The following PARP4 variants were observed in gnomAD, a reference collection of about 807,000 sequenced individuals.
PARP4 encodes poly(ADP-ribose) polymerase family member 4, also known as protein mono-ADP-ribosyltransferase PARP4.
Under a neutral mutation model 187.7 loss-of-function variants are expected in PARP4, and 120 were observed. That is an observed-to-expected ratio of 0.64 (90% confidence interval 0.55 to 0.74). The LOEUF is 0.74. Ranked by LOEUF, PARP4 falls within the 30% of genes least tolerant of loss-of-function variation. The probability of loss-of-function intolerance (pLI) is 0.00; values close to 1 mark genes in which losing one functional copy is unlikely to be tolerated. For synonymous variants in PARP4, 654 were observed against 740.9 expected, an observed-to-expected ratio of 0.88 and a Z score of 1.90; for missense variants, 1,836 against 2,070.5, an observed-to-expected ratio of 0.89 and a Z score of 2.20.
chr13:24,461,101 T>C (rs2862901), intron 17 of PARP4, among the ~76,000 whole-genome samples: 78,277 of 152,020 alleles, frequency 0.51, 20,413 homozygotes, highest in South Asian at 0.65. Flanking sequence ...CTGATAACTA[T>C]GCAGAGATCC....
In PARP4 at chr13:24,434,427, G is replaced by T; in HGVS notation, c.4714C>A (p.Pro1572Thr). The T allele has an allele frequency of 3.8e-6, 6 of 1,585,970 alleles. No homozygotes were observed. Among genetic ancestry groups the T allele is most frequent in the Non-Finnish European group, 5.2e-6 (6 of 1,163,344 alleles). ...TGTAGACTGAGGAGTTCTGTCCAAG[G>T]CACAGCATCCTGCCAGTGTTGTATG... ...VCIQHWQDAV[P>T]WTELLSLQTE... is the part of the protein sequence containing the mutation. Residue 1572 changes from proline (P) to threonine (T), a missense_variant, in exon 31 of 34, where the codon CCT (proline) becomes ACT (threonine). Pro to Thr is a conservative substitution (Grantham distance 38). Coordinates refer to ENST00000381989, the MANE Select transcript of PARP4 (RefSeq NM_006437.4).
intron 9 of PARP4, 39 bp from the exon 10 acceptor site, chr13:24,490,867 C>T: frequency 6.5e-7 from 1 of 1,531,800 alleles, no homozygotes; most frequent in East Asian, 2.3e-5. Flanking sequence ...AGAATCACCA[C>T]ATATCAAAAT....
chr13:24,469,942 A>T lies in PARP4; in HGVS notation c.1998T>A (p.Ala666=). 6.2e-7 allele frequency: 1 copy of T among 1,613,890 alleles called. No homozygotes were observed. The highest frequency in any genetic ancestry group is 1.3e-5 in the African/African-American group (1 of 75,016). Residue 666 remains alanine (A), a synonymous_variant, in exon 16 of 34, where the codon GCT becomes GCA. Coordinates refer to ENST00000381989, the MANE Select transcript of PARP4 (RefSeq NM_006437.4). ...KYIFPLDDKA[A]VCGFEAFING... ...TGATGAAGGCTTCGAAGCCACACAC[A>T]GCGGCCTTGTCATCCAAAGGAAAGA... is the stretch of plus-strand genomic sequence containing the variant.
intron 33 of PARP4, among the ~76,000 whole-genome samples, chr13:24,425,529 G>T (rs1869986559): frequency 7.7e-6 from 1 of 129,730 alleles, no homozygotes; most frequent in South Asian, 2.6e-4. Context: ...GTGTATATGT[G>T]TATGCATGTG....
At chr13:24,447,257 A>G (rs1231191893) in intron 25 of PARP4, 71 bp from the exon 26 acceptor site, 5 of 1,147,034 alleles carry the variant, frequency 4.4e-6, no homozygotes, top group South Asian at 1.8e-5. Flanking sequence ...CATTTAAAAT[A>G]AAGTATACAT....
At chr13:24,435,976 A>G (rs1870619050) in intron 30 of PARP4, among the ~76,000 whole-genome samples, 1 of 151,680 alleles carries the variant, frequency 6.6e-6, no homozygotes, top group African/African-American at 2.4e-5. Flanking sequence ...ATTCAAGATC[A>G]TTTCAGTACA....
At position 24,492,430 on chromosome 13, in the gene PARP4, G is replaced by T. The variant is rs1489200922; in HGVS notation, c.1044C>A (p.Asp348Glu). The change falls in exon 9 of 34, where the codon GAC becomes GAA. Residue 348 changes from aspartate to glutamate, a missense_variant. Asp to Glu is a conservative substitution (Grantham distance 45). Coordinates refer to ENST00000381989, the MANE Select transcript of PARP4 (RefSeq NM_006437.4). ...TATTTCAGAGGTTTACCTGGCAGAGGTCTGCTTTCTTAGCCAATAGTCCCA... is the reference window on the plus strand; with the variant it reads ...TATTTCAGAGGTTTACCTGGCAGAGTTCTGCTTTCTTAGCCAATAGTCCCA... ...VNLGLLAKKA[D>E]LCQLIRDMVN... The T allele has an allele frequency of 1.9e-6, 3 of 1,612,152 alleles. No individual in the cohort carries two copies. Among genetic ancestry groups the T allele is most frequent in the Non-Finnish European group, 2.5e-6 (3 of 1,178,796 alleles).
chr13:24,442,968 T>C, intron 28 of PARP4, among the ~76,000 whole-genome samples: 1 of 151,850 alleles, frequency 6.6e-6, no homozygotes, highest in Non-Finnish European at 1.5e-5. Context: ...ATTGGAAAGA[T>C]GGAATGACTT....
chr13:24,502,681 T>C (rs1869367761), intron 2 of PARP4, among the ~76,000 whole-genome samples: 1 of 152,242 alleles, frequency 6.6e-6, no homozygotes, highest in African/African-American at 2.4e-5. Flanking sequence ...AGTATGTGAC[T>C]TTCTAAAAAG....
intron 17 of PARP4, among the ~76,000 whole-genome samples, chr13:24,460,605 C>T (rs1177650781): frequency 6.6e-6 from 1 of 152,132 alleles, no homozygotes; most frequent in East Asian, 1.9e-4. Context: ...TTGCCAGCAG[C>T]TGTAGAACCA....
rs533397777 is a variant in PARP4 at position 24,435,145 on chromosome 13, G to A, written c.3996C>T (p.Arg1332=). Residue 1332 remains arginine, a synonymous_variant, in exon 31 of 34, where the codon CGC becomes CGT. Coordinates refer to ENST00000381989, the MANE Select transcript of PARP4 (RefSeq NM_006437.4). Reference sequence around the variant, plus strand: ...AAGACAAGGAAGCAGGACTGTGAGCGCGGGCAGTCGGGGGAAGATAGGAAC... The same window carrying A: ...AAGACAAGGAAGCAGGACTGTGAGCACGGGCAGTCGGGGGAAGATAGGAAC... ...AVGSYLPPTA[R]AHSPASLSFA... is the part of the protein sequence containing the mutation. 3.0e-5 allele frequency: 48 copies of A among 1,614,180 alleles called. No individual in the cohort carries two copies. Among genetic ancestry groups the A allele is most frequent in the African/African-American group, 2.0e-4 (15 of 75,062 alleles).
At chr13:24,449,139 A>G (rs1165742876) in intron 25 of PARP4, among the ~76,000 whole-genome samples, 1 of 152,204 alleles carries the variant, frequency 6.6e-6, no homozygotes, top group Non-Finnish European at 1.5e-5. Context: ...CTGTAATCCC[A>G]GCACTTTGGG....
In PARP4 at chr13:24,434,536, G is replaced by A. The variant is rs1305550852; in HGVS notation, c.4605C>T (p.Ser1535=). The A allele has an allele frequency of 9.9e-6, 16 of 1,613,870 alleles. No individual in the cohort carries two copies. Among genetic ancestry groups the A allele is most frequent in the Non-Finnish European group, 1.2e-5 (14 of 1,179,850 alleles). ...TATCACATTTTATTTGTAAAAAGCAGCTGTCTTGAAGTACTTCTGATAGCT... is the reference window on the plus strand; with the variant it reads ...TATCACATTTTATTTGTAAAAAGCAACTGTCTTGAAGTACTTCTGATAGCT... ...SDELSEVLQD[S]CFLQIKCDTK... The change falls in exon 31 of 34, where the codon AGC becomes AGT. Residue 1535 remains serine (S), a synonymous_variant. Coordinates refer to ENST00000381989, the MANE Select transcript of PARP4 (RefSeq NM_006437.4).
chr13:24,461,887 G>A (rs1872232116), intron 17 of PARP4, among the ~76,000 whole-genome samples: 1 of 152,156 alleles, frequency 6.6e-6, no homozygotes, highest in South Asian at 2.1e-4. Context: ...GCTTTAGAGA[G>A]AAACAGCCAC....
At chr13:24,456,510 G>A (rs1467100399) in intron 20 of PARP4, 32 bp from the exon 21 acceptor site, 3 of 1,576,766 alleles carry the variant, frequency 1.9e-6, no homozygotes, top group Non-Finnish European at 2.6e-6. Flanking sequence ...AACAAGGTGA[G>A]TAATGGAGTA....
chr13:24,481,218 T>C (rs1473860008), intron 12 of PARP4, among the ~76,000 whole-genome samples: 1 of 152,260 alleles, frequency 6.6e-6, no homozygotes, highest in East Asian at 1.9e-4. Context: ...TGTATAGATC[T>C]ACTGCTCAAC....
rs754924590 is a variant in PARP4 at position 24,455,227 on chromosome 13, A to G, written c.2563-15T>C. Reference sequence around the variant, plus strand: ...AGCATGCAAGCCTGAAAGGAGAAAGAAGGTGCTGGACTGGAGCTTCTTGTC... The same window carrying G: ...AGCATGCAAGCCTGAAAGGAGAAAGGAGGTGCTGGACTGGAGCTTCTTGTC... On this transcript the variant is annotated splice_polypyrimidine_tract_variant and intron_variant, in intron 21 of 33. Coordinates refer to ENST00000381989, the MANE Select transcript of PARP4 (RefSeq NM_006437.4). 3 of 1,564,766 alleles carry G rather than the reference A, an allele frequency of 1.9e-6. 1 individual carries two copies. In the South Asian group the frequency reaches 3.5e-5, roughly 18 times the overall value.
rs111436057 is a variant in PARP4, at chr13:24,480,122, C to G, written c.1449-1846G>C. 2.0e-5 allele frequency among the ~76,000 whole-genome samples: 3 copies of G among 152,210 alleles called. No individual in the cohort carries two copies. In the East Asian group the frequency reaches 5.8e-4, roughly 29 times the overall value. Reference sequence around the variant, plus strand: ...CGCCTTTAGGAACTGTAACACTCACCGCGAGGGTCCGCGGCTTCATTCTTG... The same window carrying G: ...CGCCTTTAGGAACTGTAACACTCACGGCGAGGGTCCGCGGCTTCATTCTTG... On this transcript the variant is annotated intron_variant, in intron 12 of 33. Coordinates refer to ENST00000381989, the MANE Select transcript of PARP4 (RefSeq NM_006437.4).
At chr13:24,507,139 C>G (rs748777582) in intron 1 of PARP4, among the ~76,000 whole-genome samples, 3 of 152,202 alleles carry the variant, frequency 2.0e-5, no homozygotes, top group African/African-American at 7.2e-5. Flanking sequence ...CCGGAACTTG[C>G]GCTGGCCCGC....
Sources: allele counts gnomAD v4.1 joint callset (sites outside exome capture counted in the v4.1 genomes callset), GRCh38; gene constraint gnomAD v4.1.1; transcripts MANE v1.5; gene names NCBI Gene and HGNC (gene_info 2026-07-23, HGNC 2026-07-21).